Variants in CBLB observed in about 807,000 individuals in gnomAD.
The protein encoded by CBLB is Cbl proto-oncogene B, also known as E3 ubiquitin-protein ligase CBL-B.
In CBLB, 31 loss-of-function variants were observed where a neutral mutation model predicts 104.9. The ratio of observed to expected loss-of-function variants is 0.30; its 90% CI spans 0.22 to 0.40. CBLB has a LOEUF of 0.40. Among genes scored for constraint, CBLB ranks in the 10% least tolerant of loss-of-function variants. The probability of loss-of-function intolerance (pLI) is 1.00; values close to 1 mark genes in which losing one functional copy is unlikely to be tolerated. For missense variants in CBLB, 1,062 were observed against 1,214.6 expected (o/e 0.87, Z 1.87); for synonymous variants, 440 against 422.6 (o/e 1.04, Z -0.51).
At chr3:105,669,870 T>C (rs2064879075) in intron 18 of CBLB, among the ~76,000 whole-genome samples, 2 of 152,114 alleles carry the variant, frequency 1.3e-5, no homozygotes, top group Admixed American at 6.6e-5. Context: ...AATAGTTTGG[T>C]GCCAGTATTA....
intron 3 of CBLB, among the ~76,000 whole-genome samples, chr3:105,831,865 T>G (rs1577626103): frequency 3.3e-5 from 5 of 151,944 alleles, no homozygotes; most frequent in Admixed American, 3.3e-4. Flanking sequence ...GTTTAAATGT[T>G]ATTCAAGAGT....
At chr3:105,704,941 T>C (rs1418288882) in intron 10 of CBLB, among the ~76,000 whole-genome samples, 3 of 152,190 alleles carry the variant, frequency 2.0e-5, no homozygotes, top group African/African-American at 7.2e-5. Context: ...TCTATGTGTT[T>C]TAATGCAGCA....
At chr3:105,824,482 C>T (rs553854402) in intron 3 of CBLB, among the ~76,000 whole-genome samples, 4 of 152,160 alleles carry the variant, frequency 2.6e-5, no homozygotes, top group Admixed American at 6.5e-5. Context: ...ATTTCTGTCA[C>T]GTAAGAGGAC....
intron 9 of CBLB, among the ~76,000 whole-genome samples, chr3:105,727,739 C>T (rs2073844434): frequency 6.6e-6 from 1 of 152,174 alleles, no homozygotes. Context: ...AGGAAGGGGT[C>T]CAGTTTCAGT....
chr3:105,754,884 TATA>T (rs1325293739), intron 4 of CBLB, among the ~76,000 whole-genome samples: 1 of 152,216 alleles, frequency 6.6e-6, no homozygotes, highest in East Asian at 1.9e-4. Flanking sequence ...GTTCTGTTCA[TATA>T]ATATCATGAG....
chr3:105,726,878 G>T lies in CBLB; in HGVS notation c.1204-6628C>A, dbSNP rs141813334. Among the ~76,000 whole-genome samples, 143 of 152,272 alleles carry T rather than the reference G, an allele frequency of 9.4e-4. 1 individual carries two copies. The East Asian group carries it at 0.021, about 22-fold the overall frequency. ...TCAACCATGTCCCTGCAAAGGACAT[G>T]AACTCATCCTTTTTTATGGCTGCAT... is the stretch of plus-strand genomic sequence containing the variant. On this transcript the variant is annotated intron_variant, in intron 9 of 18. Transcript: ENST00000394030.
At chr3:105,709,015 T>C (rs2070667401) in intron 10 of CBLB, among the ~76,000 whole-genome samples, 1 of 151,936 alleles carries the variant, frequency 6.6e-6, no homozygotes, top group Non-Finnish European at 1.5e-5. Context: ...CCCACCCTTG[T>C]TATTTCTTAT....
intron 10 of CBLB, among the ~76,000 whole-genome samples, chr3:105,711,460 C>T (rs954181395): frequency 5.3e-5 from 8 of 152,108 alleles, no homozygotes; most frequent in African/African-American, 1.9e-4. Context: ...GTAGCCTATA[C>T]AGAATATTAT....
chr3:105,712,578 C>G (rs1035835068), intron 10 of CBLB, among the ~76,000 whole-genome samples: 2 of 152,182 alleles, frequency 1.3e-5, no homozygotes, highest in African/African-American at 2.4e-5. Context: ...TATTTGGTTA[C>G]TGTAGTTCTT....
chr3:105,778,321 AAT>A (rs2079728278), intron 3 of CBLB, among the ~76,000 whole-genome samples: 2 of 152,188 alleles, frequency 1.3e-5, no homozygotes, highest in South Asian at 4.1e-4. Context: ...ATCTGTGTTT[AAT>A]AACTGTCAAA....
At chr3:105,686,521 TTTGGTATATTA>T (rs2067028524) in intron 13 of CBLB, among the ~76,000 whole-genome samples, 1 of 152,116 alleles carries the variant, frequency 6.6e-6, no homozygotes, top group South Asian at 2.1e-4. Context: ...GCAAGAGGCC[TTTGGTATATTA>T]AACAAACATG....
At chr3:105,868,140 A>G in intron 1 of CBLB, 1 of 1,074,566 alleles carries the variant, frequency 9.3e-7, no homozygotes, top group Non-Finnish European at 1.2e-6. Context: ...GTCCCACACT[A>G]AAACCACCAA....
At chr3:105,774,568 T>C (rs141557967) in intron 4 of CBLB, among the ~76,000 whole-genome samples, 250 of 152,162 alleles carry the variant, frequency 1.6e-3, no homozygotes, top group African/African-American at 5.6e-3. Flanking sequence ...ACTTGGGAGG[T>C]AGGGAAAGTA....
chr3:105,787,874 A>G (rs1354079049), intron 3 of CBLB, among the ~76,000 whole-genome samples: 2 of 152,204 alleles, frequency 1.3e-5, no homozygotes, highest in African/African-American at 4.8e-5. Context: ...CAAAACAAAG[A>G]AAACCACAAA....
chr3:105,784,674 T>C (rs578175834), intron 3 of CBLB, among the ~76,000 whole-genome samples: 4 of 151,996 alleles, frequency 2.6e-5, no homozygotes, highest in African/African-American at 9.6e-5. Context: ...AAGACATAAT[T>C]GATCAGTTTT....
intron 3 of CBLB, among the ~76,000 whole-genome samples, chr3:105,833,359 T>C (rs1024837153): frequency 6.6e-6 from 1 of 152,208 alleles, no homozygotes; most frequent in Non-Finnish European, 1.5e-5. Flanking sequence ...TCAGGCAGAA[T>C]AGTGAAGGCA....
intron 18 of CBLB, among the ~76,000 whole-genome samples, chr3:105,659,756 T>C (rs983922356): frequency 1.3e-5 from 2 of 152,068 alleles, no homozygotes; most frequent in Non-Finnish European, 1.5e-5. Flanking sequence ...AAACAGATGC[T>C]CTGTAGCATT....
chr3:105,659,061 A>G lies in CBLB; in HGVS notation c.2858T>C (p.Leu953Ser). The change falls in exon 19 of 19, where the codon TTA (leucine) becomes TCA (serine). Residue 953 changes from leucine to serine, a missense_variant. By Grantham distance (145) the Leu-to-Ser change is moderately radical. This residue lies in a region of CBLB where 605 missense variants were observed against 582.6 expected (regional missense o/e 1.04). Coordinates refer to ENST00000394030, the MANE Select transcript of CBLB (RefSeq NM_170662.5). ...TTCGACATTATTCTGGGCTATCTCTAAGGCTCTCTTCACCTCTTCAAAGGC... is the reference window on the plus strand; with the variant it reads ...TTCGACATTATTCTGGGCTATCTCTGAGGCTCTCTTCACCTCTTCAAAGGC... ...GYAFEEVKRA[L>S]EIAQNNVEVA... 1 of 1,613,922 alleles carries G rather than the reference A, an allele frequency of 6.2e-7. No individual in the cohort carries two copies. Among genetic ancestry groups the G allele is most frequent in the Non-Finnish European group, 8.5e-7 (1 of 1,179,892 alleles).
intron 3 of CBLB, among the ~76,000 whole-genome samples, chr3:105,797,003 T>C (rs978826489): frequency 2.0e-5 from 3 of 152,166 alleles, no homozygotes; most frequent in Non-Finnish European, 2.9e-5. Flanking sequence ...TGTAAATTAG[T>C]TCAGCCACTG....
Sources: gnomAD v4.1 joint callset for allele counts (sites outside exome capture counted in the v4.1 genomes callset) on GRCh38, gnomAD v4.1.1 for gene constraint, gnomAD v4.1.1 regional missense constraint, MANE v1.5 for transcripts, NCBI Gene and HGNC (gene_info 2026-07-23, HGNC 2026-07-21) for gene names.